The following PPIE variants were observed in gnomAD, a reference collection of about 807,000 sequenced individuals.
PPIE encodes peptidylprolyl isomerase E.
A neutral mutation model predicts 38.4 loss-of-function variants in PPIE; 20 were observed. The ratio of observed to expected loss-of-function variants is 0.52; its 90% CI spans 0.37 to 0.76. The LOEUF (loss-of-function observed/expected upper bound fraction) is 0.76. Among genes scored for constraint, PPIE ranks in the 30% least tolerant of loss-of-function variants. The pLI is 0.00. For missense variants in PPIE, 322 were observed against 385.8 expected (o/e 0.83, Z 1.39); for synonymous variants, 142 against 135.7 (o/e 1.05, Z -0.32).
chr1:39,751,802 A>G (rs1647760273), intron 8 of PPIE, among the ~76,000 whole-genome samples: 2 of 152,204 alleles, frequency 1.3e-5, no homozygotes, highest in Non-Finnish European at 1.5e-5. Context: ...AAACACTTTC[A>G]GGCCAGGCAC....
rs1648315068 is a variant in PPIE, at chr1:39,756,736, A to T, written c.*3381A>T. 2.2e-6 allele frequency: 1 copy of T among 464,368 alleles called. No individual in the cohort carries two copies. The highest frequency in any genetic ancestry group is 2.1e-5 in the African/African-American group (1 of 47,260). The allele number at this position is 464,368 out of a possible 1,614,324, so 28.8% of individuals were successfully genotyped here. ...CATAGGTATTTGTATATCTTAAGAA[A>T]AAAAGCCTAGAAATAAAGCCACAAA... is the stretch of plus-strand genomic sequence containing the variant. On this transcript the variant is annotated 3_prime_UTR_variant, in exon 10 of 10. Transcript: ENST00000324379.
rs1268010210 is a variant in PPIE, at chr1:39,756,135, G to A, written c.*2780G>A. ...GCCCCACAGCCTGGCCACCTGCTTC[G>A]GCTACGCACCATGCAGCAGCTGCAC... On this transcript the variant is annotated 3_prime_UTR_variant, in exon 10 of 10. Coordinates refer to ENST00000324379, the MANE Select transcript of PPIE (RefSeq NM_006112.4). The A allele has an allele frequency of 2.0e-6, 2 of 985,426 alleles. No individual in the cohort carries two copies. The highest frequency in any genetic ancestry group is 2.4e-6 in the Non-Finnish European group (2 of 829,936). 61.0% of individuals were successfully genotyped at this position (985,426 alleles called of 1,614,324 possible). A position where few individuals can be genotyped will look rare whatever the true frequency, so the allele number is the denominator to read the frequency against.
In PPIE at chr1:39,739,273, C is replaced by A. The variant is rs370954777; in HGVS notation, c.31+342C>A. The A allele has an allele frequency of 3.3e-4, 92 of 278,006 alleles. 1 individual carries two copies. The highest frequency in any genetic ancestry group is 1.9e-3 in the African/African-American group (85 of 45,894). 17.2% of individuals were successfully genotyped at this position (278,006 alleles called of 1,614,324 possible). A position where few individuals can be genotyped will look rare whatever the true frequency, so the allele number is the denominator to read the frequency against. On this transcript the variant is annotated intron_variant, in intron 1 of 9. Transcript: ENST00000324379. ...GCTTTTGCGACTCCCTTGCAGTGAA[C>A]AGCCTTGCCACACACCTCAGGTGCG...
chr1:39,760,546 G>A (rs1648803965), downstream of PPIE: 1 of 1,614,002 alleles, frequency 6.2e-7, no homozygotes, highest in Non-Finnish European at 8.5e-7. Context: ...CTTGGGGACT[G>A]CGTCTGGCAT....
At chr1:39,745,248 C>T (rs568511764) in intron 6 of PPIE, 127 bp from the exon 7 acceptor site, 3 of 1,316,926 alleles carry the variant, frequency 2.3e-6, no homozygotes, top group African/African-American at 1.4e-5. Flanking sequence ...GGCCCAAGGC[C>T]TTCCCCGTCA....
At chr1:39,745,343 T>G (rs1300571949) in intron 6 of PPIE, 32 bp from the exon 7 acceptor site, 4 of 1,613,408 alleles carry the variant, frequency 2.5e-6, no homozygotes, top group Non-Finnish European at 3.4e-6. Flanking sequence ...GTCAGGGAGC[T>G]CTCTCTAACT....
chr1:39,754,888 T>A lies in PPIE; in HGVS notation c.*1533T>A. The A allele has an allele frequency of 7.7e-6, 3 of 391,470 alleles. No individual in the cohort carries two copies. The highest frequency in any genetic ancestry group is 1.0e-5 in the Non-Finnish European group (3 of 287,152). The allele number at this position is 391,470 out of a possible 1,614,324, so 24.2% of individuals were successfully genotyped here. A position where few individuals can be genotyped will look rare whatever the true frequency, so the allele number is the denominator to read the frequency against. On this transcript the variant is annotated 3_prime_UTR_variant, in exon 10 of 10. Transcript: ENST00000324379. ...AAAAGAAACCATCATCACAGCAACA[T>A]CTAGACTAGTGTTTGACTAAAAACT...
At chr1:39,757,919 GTA>G (rs1212428086), downstream of PPIE, 2 of 152,238 alleles carry the variant, frequency 1.3e-5, no homozygotes, top group Non-Finnish European at 2.9e-5. Context: ...GGCCAACTAG[GTA>G]GACAAAGCCT....
chr1:39,760,262 G>A, downstream of PPIE: 1 of 1,235,182 alleles, frequency 8.1e-7, no homozygotes, highest in South Asian at 1.5e-5. Context: ...GGGAGCATAG[G>A]AGCCTGGCAT....
At chr1:39,760,026 C>CGTATCATT, downstream of PPIE, 1 of 246,554 alleles carries the variant, frequency 4.1e-6, no homozygotes, top group Non-Finnish European at 8.0e-6. Context: ...TCAAGGTGGC[C>CGTATCATT]AACAGTGGGC....
chr1:39,742,059 C>A, intron 4 of PPIE, 138 bp downstream of exon 4: 1 of 818,616 alleles, frequency 1.2e-6, no homozygotes, highest in Non-Finnish European at 2.0e-6. Flanking sequence ...AAAATATTCA[C>A]TGTGAATTGA....
chr1:39,744,772 CAT>C (rs1489036803), intron 6 of PPIE, among the ~76,000 whole-genome samples: 1 of 152,196 alleles, frequency 6.6e-6, no homozygotes, highest in Non-Finnish European at 1.5e-5. Context: ...AATCAGAACT[CAT>C]AAAGTGGCCA....
intron 8 of PPIE, among the ~76,000 whole-genome samples, chr1:39,750,129 G>A (rs1433494849): frequency 6.6e-6 from 1 of 151,322 alleles, no homozygotes; most frequent in African/African-American, 2.4e-5. Context: ...GCGAAACTCC[G>A]TCTCGGAAAA....
At position 39,762,773 on chromosome 1, in the gene PPIE, T is replaced by G. The variant is rs1308889954; in HGVS notation, c.838-916T>G. 3.0e-6 allele frequency: 4 copies of G among 1,331,092 alleles called. No individual in the cohort carries two copies. The African/African-American group carries it at 6.0e-5, about 20-fold the overall frequency. 82.5% of individuals were successfully genotyped at this position (1,331,092 alleles called of 1,614,324 possible). A position where few individuals can be genotyped will look rare whatever the true frequency, so the allele number is the denominator to read the frequency against. On this transcript the variant is annotated intron_variant, in intron 9 of 9. Coordinates refer to the PPIE transcript ENST00000356511. ...ACAGCCCCCACACAGTGTACACATC[T>G]GTTTCATGTGCTGTGCCTCTGAGCG...
In PPIE at chr1:39,756,730, TAAG is replaced by T. The variant is rs1648313627; in HGVS notation, c.*3378_*3380del. ...TGTAAGCATAGGTATTTGTATATCT[TAAG>T]AAAAAAAGCCTAGAAATAAAGCCAC... On this transcript the variant is annotated 3_prime_UTR_variant, in exon 10 of 10. Transcript: ENST00000324379. The T allele has an allele frequency of 9.8e-6, 5 of 510,796 alleles. No homozygotes were observed. The highest frequency in any genetic ancestry group is 7.6e-6 in the Non-Finnish European group (3 of 396,616). 31.6% of individuals were successfully genotyped at this position (510,796 alleles called of 1,614,324 possible).
downstream of PPIE, among the ~76,000 whole-genome samples, chr1:39,761,675 A>C (rs1324002883): frequency 2.6e-5 from 4 of 151,836 alleles, no homozygotes; most frequent in Non-Finnish European, 5.9e-5. Context: ...TGCCAAGCTC[A>C]CTGCTGTCTT....
chr1:39,755,012 A>G lies in PPIE; in HGVS notation c.*1657A>G, dbSNP rs1444171083. ...TGAGCCTTTACAAAACAGGATTGCC[A>G]GCCACTGAAGAGAACAAATGGTCCC... On this transcript the variant is annotated 3_prime_UTR_variant, in exon 10 of 10. Transcript: ENST00000324379. 1 of 985,360 alleles carries G rather than the reference A, an allele frequency of 1.0e-6. No homozygotes were observed. The highest frequency in any genetic ancestry group is 1.2e-6 in the Non-Finnish European group (1 of 829,948). 61.0% of individuals were successfully genotyped at this position (985,360 alleles called of 1,614,324 possible). A position where few individuals can be genotyped will look rare whatever the true frequency, so the allele number is the denominator to read the frequency against.
intron 8 of PPIE, among the ~76,000 whole-genome samples, chr1:39,749,319 G>A (rs911158470): frequency 7.9e-5 from 12 of 152,040 alleles, no homozygotes; most frequent in African/African-American, 2.9e-4. Flanking sequence ...GCCCCGCTTG[G>A]ATTCTGTGGT....
chr1:39,761,763 C>T (rs942522041), downstream of PPIE, among the ~76,000 whole-genome samples: 8 of 152,174 alleles, frequency 5.3e-5, no homozygotes, highest in African/African-American at 1.9e-4. Context: ...GTGGAGAGGC[C>T]AGGCCCAGTC....
Sources: allele counts gnomAD v4.1 joint callset (sites outside exome capture counted in the v4.1 genomes callset), GRCh38; gene constraint gnomAD v4.1.1; transcripts MANE v1.5; gene names NCBI Gene and HGNC (gene_info 2026-07-23, HGNC 2026-07-21).